The following CRPPA variants were observed in gnomAD, a reference collection of about 807,000 sequenced individuals.
CRPPA encodes the protein D-ribitol-5-phosphate cytidylyltransferase.
CRPPA carries 43 observed loss-of-function variants against 52.0 expected under a neutral mutation model. The observed-to-expected ratio is 0.83, with a 90% CI of 0.65 to 1.07. CRPPA has a LOEUF of 1.07. Ranked by LOEUF, CRPPA falls within the 50% of genes least tolerant of loss-of-function variation. CRPPA has a pLI of 0.00. For missense variants in CRPPA, 629 were observed against 551.7 expected, an observed-to-expected ratio of 1.14 and a Z score of -1.40; for synonymous variants, 250 against 203.5, an observed-to-expected ratio of 1.23 and a Z score of -1.94.
intron 2 of CRPPA, among the ~76,000 whole-genome samples, chr7:16,376,451 G>T (rs556155755): frequency 3.7e-4 from 57 of 152,178 alleles, no homozygotes; most frequent in Middle Eastern, 3.4e-3. Flanking sequence ...ACATTAAGGT[G>T]AAATTTTCCT....
intron 1 of CRPPA, among the ~76,000 whole-genome samples, chr7:16,415,889 A>G (rs1788181198): frequency 2.0e-5 from 3 of 152,156 alleles, no homozygotes; most frequent in Admixed American, 1.3e-4. Flanking sequence ...CCCTATCCCA[A>G]TTTAGGAATT....
At chr7:16,351,015 A>G (rs1786136482) in intron 3 of CRPPA, among the ~76,000 whole-genome samples, 1 of 152,192 alleles carries the variant, frequency 6.6e-6, no homozygotes, top group South Asian at 2.1e-4. Flanking sequence ...ACAATTACAT[A>G]GTGATAAAGG....
intron 8 of CRPPA, among the ~76,000 whole-genome samples, chr7:16,250,256 C>A (rs1783408363): frequency 6.6e-6 from 1 of 152,168 alleles, no homozygotes; most frequent in Non-Finnish European, 1.5e-5. Flanking sequence ...GATTGGTGTA[C>A]CTGAAAGTGA....
intron 9 of CRPPA, among the ~76,000 whole-genome samples, chr7:16,158,045 T>A (rs1184540420): frequency 6.6e-6 from 1 of 151,058 alleles, no homozygotes; most frequent in Non-Finnish European, 1.5e-5. Flanking sequence ...CAGCTAATTT[T>A]TTTTTTTTTT....
intron 9 of CRPPA, among the ~76,000 whole-genome samples, chr7:16,169,543 T>C (rs1781134859): frequency 6.6e-6 from 1 of 152,234 alleles, no homozygotes; most frequent in South Asian, 2.1e-4. Flanking sequence ...GAGAATGCTC[T>C]TGGACAAGAA....
intron 2 of CRPPA, among the ~76,000 whole-genome samples, chr7:16,382,855 G>T (rs1423748586): frequency 6.6e-6 from 1 of 152,010 alleles, no homozygotes; most frequent in South Asian, 2.1e-4. Flanking sequence ...GCTCCTTTAA[G>T]CACTTCTCTG....
intron 2 of CRPPA, among the ~76,000 whole-genome samples, chr7:16,401,766 A>G (rs533483093): frequency 6.6e-6 from 1 of 152,302 alleles, no homozygotes; most frequent in Admixed American, 6.5e-5. Flanking sequence ...TGACTTAATT[A>G]CGCAGAAATA....
chr7:16,130,574 C>G (rs1255801492), intron 9 of CRPPA, among the ~76,000 whole-genome samples: 1 of 152,158 alleles, frequency 6.6e-6, no homozygotes, highest in Non-Finnish European at 1.5e-5. Context: ...TGACTCCACC[C>G]CTCCTTCTGT....
chr7:16,365,586 T>C (rs1309988813), intron 3 of CRPPA, among the ~76,000 whole-genome samples: 1 of 152,208 alleles, frequency 6.6e-6, no homozygotes, highest in Non-Finnish European at 1.5e-5. Context: ...AAAAAATGGA[T>C]GATTTTATAA....
intron 2 of CRPPA, among the ~76,000 whole-genome samples, chr7:16,389,922 A>ATATATAT (rs1163713598): frequency 1.7e-3 from 107 of 62,200 alleles, no homozygotes; most frequent in Admixed American, 3.0e-3. Context: ...ACAAAAAAAA[A>ATATATAT]AAAAAAATAT....
At chr7:16,215,046 C>G (rs918390239) in intron 9 of CRPPA, among the ~76,000 whole-genome samples, 17 of 152,136 alleles carry the variant, frequency 1.1e-4, no homozygotes, top group African/African-American at 3.9e-4. Flanking sequence ...TAAGTTAAAA[C>G]AAAACCAAGG....
At chr7:16,097,043 G>C (rs1401002511) in intron 9 of CRPPA, among the ~76,000 whole-genome samples, 2 of 152,102 alleles carry the variant, frequency 1.3e-5, no homozygotes, top group Non-Finnish European at 2.9e-5. Flanking sequence ...TTGATTTGTT[G>C]TCATAGAAAA....
At chr7:16,361,477 A>C (rs959482787) in intron 3 of CRPPA, among the ~76,000 whole-genome samples, 38 of 152,344 alleles carry the variant, frequency 2.5e-4, no homozygotes, top group African/African-American at 8.7e-4. Flanking sequence ...CCATTAACAG[A>C]TGAGTGGATA....
intron 3 of CRPPA, among the ~76,000 whole-genome samples, chr7:16,327,073 T>A (rs954019867): frequency 6.6e-6 from 1 of 152,180 alleles, no homozygotes; most frequent in Non-Finnish European, 1.5e-5. Context: ...CTTAACTTTT[T>A]GTTCTATTTT....
intron 8 of CRPPA, among the ~76,000 whole-genome samples, chr7:16,254,482 G>A (rs1419173966): frequency 2.0e-5 from 3 of 151,912 alleles, no homozygotes; most frequent in Admixed American, 2.0e-4. Context: ...GCAAACTATT[G>A]CAAGGACAGA....
intron 6 of CRPPA, among the ~76,000 whole-genome samples, chr7:16,270,870 T>C (rs1784074721): frequency 6.6e-6 from 1 of 152,144 alleles, no homozygotes; most frequent in Non-Finnish European, 1.5e-5. Context: ...TCTGTTTATG[T>C]TCTCTCCGCT....
chr7:16,101,687 G>A (rs986557018), intron 9 of CRPPA, among the ~76,000 whole-genome samples: 1 of 151,968 alleles, frequency 6.6e-6, no homozygotes, highest in African/African-American at 2.4e-5. Flanking sequence ...TAGACAGAGA[G>A]CCAAATCATG....
Position 16,327,465 on chromosome 7 carries a change from C to A in CRPPA, c.685-18838G>T, listed in dbSNP as rs986246186. 4.6e-5 allele frequency among the ~76,000 whole-genome samples: 7 copies of A among 151,868 alleles called. 1 individual carries two copies. Among genetic ancestry groups the A allele is most frequent in the Admixed American group, 4.6e-4 (7 of 15,266 alleles). On this transcript the variant is annotated intron_variant, in intron 3 of 9. Coordinates refer to ENST00000407010, the MANE Select transcript of CRPPA (RefSeq NM_001101426.4). ...AAAATTAGCCGGGCGCGGTGGCGGG[C>A]GCCTGTAGTCCCAGCTACTCTGGAG...
At chr7:16,141,740 T>G (rs1007557545) in intron 9 of CRPPA, among the ~76,000 whole-genome samples, 1 of 152,216 alleles carries the variant, frequency 6.6e-6, no homozygotes, top group Non-Finnish European at 1.5e-5. Flanking sequence ...CAGTATAATA[T>G]ATGCATGTAC....
Sources: gnomAD v4.1 joint callset for allele counts (sites outside exome capture counted in the v4.1 genomes callset) on GRCh38, gnomAD v4.1.1 for gene constraint, MANE v1.5 for transcripts, NCBI Gene and HGNC (gene_info 2026-07-23, HGNC 2026-07-21) for gene names.